ARHGAP5: variants seen among roughly 807,000 people sequenced by gnomAD.
ARHGAP5 encodes the protein rho GTPase-activating protein 5.
ARHGAP5 carries 23 observed loss-of-function variants against 116.6 expected under a neutral mutation model. The observed-to-expected ratio is 0.20, with a 90% CI of 0.14 to 0.28. The LOEUF (loss-of-function observed/expected upper bound fraction) is 0.28. ARHGAP5 is among the 10% of genes least tolerant of loss of function. The pLI is 1.00. For missense variants in ARHGAP5, 1,405 were observed against 1,774.8 expected (o/e 0.79, Z 3.74); for synonymous variants, 574 against 602.0 (o/e 0.95, Z 0.68).
intron 1 of ARHGAP5, 75 bp downstream of exon 1, chr14:32,077,510 C>T (rs1280999538): frequency 1.1e-5 from 7 of 654,280 alleles, no homozygotes; most frequent in East Asian, 8.7e-5. Flanking sequence ...CGGCTAGCTG[C>T]CCCGCTCGGT....
chr14:32,085,972 T>C (rs910879167), intron 1 of ARHGAP5, among the ~76,000 whole-genome samples: 2 of 152,240 alleles, frequency 1.3e-5, no homozygotes, highest in Non-Finnish European at 2.9e-5. Context: ...TTAGGATTTA[T>C]GCATTTAATT....
Position 32,093,976 on chromosome 14 carries a change from G to T in ARHGAP5, c.3307G>T (p.Gly1103Cys), listed in dbSNP as rs1878394663. The T allele has an allele frequency of 6.2e-7, 1 of 1,613,562 alleles. No homozygotes were observed. The highest frequency in any genetic ancestry group is 1.7e-5 in the Admixed American group (1 of 59,900). ...EPIDTIFKQK[G>C]YSDEIYVVPD... ...CATTGATACAATTTTCAAACAGAAG[G>T]GCTATTCTGATGAGATTTATGTTGT... The change falls in exon 2 of 7, where the codon GGC becomes TGC. Residue 1103 changes from glycine to cysteine, a missense_variant. By Grantham distance (159) the Gly-to-Cys change is radical. Coordinates refer to ENST00000345122, the MANE Select transcript of ARHGAP5 (RefSeq NM_001030055.2).
chr14:32,126,375 C>A lies in ARHGAP5; in HGVS notation c.3865+9088C>A, dbSNP rs549992503. ...TGCTTCTGGTGGTGGCTGTCAATCC[C>A]TGGTGTTCCATGGTTGGCAGCTGTA... On this transcript the variant is annotated intron_variant, in intron 3 of 6. Coordinates refer to ENST00000345122, the MANE Select transcript of ARHGAP5 (RefSeq NM_001030055.2). Among the ~76,000 whole-genome samples the A allele has an allele frequency of 2.0e-5, 3 of 152,236 alleles. No homozygotes were observed. In the South Asian group the frequency reaches 6.2e-4, roughly 32 times the overall value.
At position 32,121,098 on chromosome 14, in the gene ARHGAP5, A is replaced by G. The variant is rs75772557; in HGVS notation, c.3865+3811A>G. Among the ~76,000 whole-genome samples, 1,159 of 145,534 alleles carry G rather than the reference A, an allele frequency of 8.0e-3. 43 individuals carry two copies. The East Asian group carries it at 0.11, about 13-fold the overall frequency. ...AGAGGTGTAACTTCAGCTAGTTGCA[A>G]CCTCCACCTCCCCGGCTCAGGCAAT... On this transcript the variant is annotated intron_variant, in intron 3 of 6. Coordinates refer to ENST00000345122, the MANE Select transcript of ARHGAP5 (RefSeq NM_001030055.2).
chr14:32,080,158 T>C (rs2041757348), intron 1 of ARHGAP5, among the ~76,000 whole-genome samples: 1 of 151,998 alleles, frequency 6.6e-6, no homozygotes, highest in Non-Finnish European at 1.5e-5. Context: ...GTATGAACTT[T>C]AATTGGTTTT....
chr14:32,084,732 T>C (rs1034966810), intron 1 of ARHGAP5, among the ~76,000 whole-genome samples: 3 of 152,236 alleles, frequency 2.0e-5, no homozygotes, highest in African/African-American at 4.8e-5. Flanking sequence ...AATGACTTTT[T>C]AGGGCTCATT....
In ARHGAP5 at chr14:32,157,173, C is replaced by G. The variant is rs1227524260; in HGVS notation, c.*2225C>G. The stretch of plus-strand genomic sequence containing the variant: ...ATACTCTACGTTTGGTTCAATTAAC[C>G]AGTAGGTTACAGTTATTGAAAATTA... On this transcript the variant is annotated 3_prime_UTR_variant, in exon 7 of 7. Coordinates refer to ENST00000345122, the MANE Select transcript of ARHGAP5 (RefSeq NM_001030055.2). 2 of 152,184 alleles carry G rather than the reference C, an allele frequency of 1.3e-5. No individual in the cohort carries two copies. Among genetic ancestry groups the G allele is most frequent in the African/African-American group, 4.8e-5 (2 of 41,404 alleles). The allele number at this position is 152,184 out of a possible 1,614,324, so 9.4% of individuals were successfully genotyped here. A position where few individuals can be genotyped will look rare whatever the true frequency, so the allele number is the denominator to read the frequency against.
intron 1 of ARHGAP5, among the ~76,000 whole-genome samples, chr14:32,085,591 A>G (rs2041821246): frequency 6.6e-6 from 1 of 152,156 alleles, no homozygotes; most frequent in Non-Finnish European, 1.5e-5. Context: ...GCTTGCAAAA[A>G]GTTTGCCTAA....
chr14:32,089,126 G>C (rs915221897), intron 1 of ARHGAP5, among the ~76,000 whole-genome samples: 1 of 151,924 alleles, frequency 6.6e-6, no homozygotes, highest in Non-Finnish European at 1.5e-5. Flanking sequence ...TCTAAAATAT[G>C]AGAATAAATC....
chr14:32,112,484 T>A (rs917155057), intron 2 of ARHGAP5, among the ~76,000 whole-genome samples: 1 of 152,216 alleles, frequency 6.6e-6, no homozygotes, highest in African/African-American at 2.4e-5. Context: ...TGATGTGCTT[T>A]TGCAGATAAG....
intron 2 of ARHGAP5, among the ~76,000 whole-genome samples, chr14:32,096,097 G>GT (rs1465749049): frequency 1.3e-5 from 2 of 150,416 alleles, no homozygotes; most frequent in Non-Finnish European, 3.0e-5. Context: ...GGAGCTGTGT[G>GT]TGTGCGTGCG....
intron 1 of ARHGAP5, among the ~76,000 whole-genome samples, chr14:32,088,295 C>A (rs920424046): frequency 6.6e-6 from 1 of 151,424 alleles, no homozygotes; most frequent in African/African-American, 2.4e-5. Context: ...GTAAAAATTC[C>A]CCGAAGTAAT....
At chr14:32,148,184 A>ATCTG (rs1429888555) in intron 4 of ARHGAP5, among the ~76,000 whole-genome samples, 3 of 151,424 alleles carry the variant, frequency 2.0e-5, no homozygotes, top group Non-Finnish European at 2.9e-5. Flanking sequence ...CTATCTATCT[A>ATCTG]TCTATCTATC....
At chr14:32,134,861 T>A (rs1880703168) in intron 3 of ARHGAP5, among the ~76,000 whole-genome samples, 1 of 152,240 alleles carries the variant, frequency 6.6e-6, no homozygotes, top group Non-Finnish European at 1.5e-5. Flanking sequence ...TGATTTATAT[T>A]TGCTATTGGG....
intron 3 of ARHGAP5, among the ~76,000 whole-genome samples, chr14:32,137,621 A>G (rs1318694825): frequency 6.6e-6 from 1 of 152,124 alleles, no homozygotes; most frequent in East Asian, 1.9e-4. Flanking sequence ...TTAGGTTTTG[A>G]TAAAAATTGC....
chr14:32,122,276 G>A (rs943142140), intron 3 of ARHGAP5, among the ~76,000 whole-genome samples: 17 of 152,220 alleles, frequency 1.1e-4, no homozygotes, highest in Admixed American at 9.2e-4. Context: ...TAATGATGCC[G>A]AACATCTTTT....
At chr14:32,143,974 A>G (rs1481208114) in intron 3 of ARHGAP5, among the ~76,000 whole-genome samples, 1 of 152,182 alleles carries the variant, frequency 6.6e-6, no homozygotes, top group Non-Finnish European at 1.5e-5. Context: ...AAATATCTCT[A>G]GGCATTACCA....
intron 1 of ARHGAP5, among the ~76,000 whole-genome samples, chr14:32,079,319 TTACACTTTGATGTAAGAA>T (rs1440865155): frequency 3.3e-5 from 5 of 152,206 alleles, no homozygotes; most frequent in Admixed American, 2.0e-4. Flanking sequence ...GTGAGGTGGG[TTACACTTTGATGTAAGAA>T]TTGCGGCAGA....
In ARHGAP5 at chr14:32,091,044, G is replaced by A. The variant is rs1297472520; in HGVS notation, c.375G>A (p.Gln125=). ...YIKRAAASKL[Q]SAEKLMYICT... is the part of the protein sequence containing the mutation. ...AACGTGCAGCTGCATCTAAATTGCA[G>A]TCAGCAGAAAAACTAATGTACATTT... is the stretch of plus-strand genomic sequence containing the variant. The change falls in exon 2 of 7, where the codon CAG becomes CAA. Residue 125 remains glutamine (Q), a synonymous_variant. Coordinates refer to ENST00000345122, the MANE Select transcript of ARHGAP5 (RefSeq NM_001030055.2). The A allele has an allele frequency of 2.5e-6, 4 of 1,613,546 alleles. No individual in the cohort carries two copies. Among genetic ancestry groups the A allele is most frequent in the East Asian group, 2.2e-5 (1 of 44,882 alleles).
Sources: gnomAD v4.1 joint callset for allele counts (sites outside exome capture counted in the v4.1 genomes callset) on GRCh38, gnomAD v4.1.1 for gene constraint, MANE v1.5 for transcripts, NCBI Gene and HGNC (gene_info 2026-07-23, HGNC 2026-07-21) for gene names.